Variants in USP12 observed in about 807,000 individuals in gnomAD.
The protein encoded by USP12 is ubiquitin specific peptidase 12, also known as ubiquitin carboxyl-terminal hydrolase 12.
USP12 carries 19 observed loss-of-function variants against 45.5 expected under a neutral mutation model. The ratio of observed to expected loss-of-function variants is 0.42; its 90% CI spans 0.29 to 0.61. The LOEUF (loss-of-function observed/expected upper bound fraction) is 0.61, where lower values mean the gene tolerates loss of function less well. Ranked by LOEUF, USP12 falls within the 20% of genes least tolerant of loss-of-function variation. The pLI is 0.22. For synonymous variants in USP12, 149 were observed against 148.8 expected, an observed-to-expected ratio of 1.00 and a Z score of -0.01; for missense variants, 242 against 447.7, an observed-to-expected ratio of 0.54 and a Z score of 4.15.
At chr13:27,115,426 G>A (rs149243845) in intron 2 of USP12, among the ~76,000 whole-genome samples, 3 of 152,188 alleles carry the variant, frequency 2.0e-5, no homozygotes, top group African/African-American at 7.2e-5. Flanking sequence ...CACTTCAACC[G>A]CTTTCCTCAA....
intron 1 of USP12, 25 bp from the exon 2 acceptor site, chr13:27,116,621 T>A: frequency 6.2e-7 from 1 of 1,603,592 alleles, no homozygotes; most frequent in East Asian, 2.2e-5. Flanking sequence ...ACAAAAATCT[T>A]AGTATTTATA....
At chr13:27,130,539 C>CAA (rs375759075) in intron 1 of USP12, among the ~76,000 whole-genome samples, 5 of 115,612 alleles carry the variant, frequency 4.3e-5, no homozygotes, top group Admixed American at 2.9e-4. Context: ...CACACACACA[C>CAA]AAAAAAAATC....
At chr13:27,121,879 C>T (rs943653670) in intron 1 of USP12, among the ~76,000 whole-genome samples, 2 of 151,780 alleles carry the variant, frequency 1.3e-5, no homozygotes, top group South Asian at 2.1e-4. Flanking sequence ...AAATTAAATA[C>T]CAGAATTAAC....
chr13:27,148,338 TTCTTC>T (rs1877402094), intron 1 of USP12, among the ~76,000 whole-genome samples: 1 of 150,842 alleles, frequency 6.6e-6, no homozygotes, highest in Non-Finnish European at 1.5e-5. Flanking sequence ...TATTTTTTCT[TTCTTC>T]TCTTAATTGA....
At position 27,066,198 on chromosome 13, in the gene USP12, T is replaced by C. The variant is rs950052527; in HGVS notation, c.*3085A>G. 1 of 152,218 alleles carries C rather than the reference T, an allele frequency of 6.6e-6. No individual in the cohort carries two copies. The highest frequency in any genetic ancestry group is 1.5e-5 in the Non-Finnish European group (1 of 68,034). The allele number at this position is 152,218 out of a possible 1,614,324, so 9.4% of individuals were successfully genotyped here. The stretch of plus-strand genomic sequence containing the variant: ...TAATAGATATTATTTTGTATTTATA[T>C]AGTGCCTTCTTCAAGAACCTTAAAT... On this transcript the variant is annotated 3_prime_UTR_variant, in exon 9 of 9. Coordinates refer to ENST00000282344, the MANE Select transcript of USP12 (RefSeq NM_182488.4).
chr13:27,164,586 AG>A (rs144098935), intron 1 of USP12, among the ~76,000 whole-genome samples: 11,986 of 152,294 alleles, frequency 0.079, 565 homozygotes, highest in Middle Eastern at 0.16. Context: ...AAGACTTACT[AG>A]TTTTTCTTCC....
chr13:27,090,917 G>A (rs1244182321), intron 4 of USP12, among the ~76,000 whole-genome samples: 1 of 152,186 alleles, frequency 6.6e-6, no homozygotes, highest in Non-Finnish European at 1.5e-5. Context: ...TACAAAGTAT[G>A]TATTTATGCA....
intron 4 of USP12, among the ~76,000 whole-genome samples, chr13:27,094,287 TGAG>T (rs1874460124): frequency 6.6e-6 from 1 of 151,846 alleles, no homozygotes; most frequent in African/African-American, 2.4e-5. Flanking sequence ...GTGGGTTACT[TGAG>T]GGCAGGAGTT....
At chr13:27,118,531 A>C (rs1875845229) in intron 1 of USP12, among the ~76,000 whole-genome samples, 2 of 152,000 alleles carry the variant, frequency 1.3e-5, no homozygotes, top group African/African-American at 2.4e-5. Context: ...AAGCCCTACT[A>C]CCCCTCACCC....
intron 3 of USP12, among the ~76,000 whole-genome samples, chr13:27,104,532 CT>C (rs1875035154): frequency 6.6e-6 from 1 of 152,108 alleles, no homozygotes; most frequent in African/African-American, 2.4e-5. Context: ...ATAAACAGAT[CT>C]ATAATCTAAT....
In USP12 at chr13:27,085,892, G is replaced by A. The variant is rs550686326; in HGVS notation, c.734+3991C>T. Among the ~76,000 whole-genome samples the A allele has an allele frequency of 1.9e-3, 289 of 152,088 alleles. 1 individual carries two copies. Among genetic ancestry groups the A allele is most frequent in the African/African-American group, 6.7e-3 (279 of 41,510 alleles). On this transcript the variant is annotated intron_variant, in intron 6 of 8. Transcript: ENST00000282344. ...AAAAAAAATATACTATGCAGCAGGCGTGGTATCTAGCTCCTGTAATTCCAG... is the reference window on the plus strand; with the variant it reads ...AAAAAAAATATACTATGCAGCAGGCATGGTATCTAGCTCCTGTAATTCCAG...
chr13:27,080,322 A>G (rs1873691734), intron 6 of USP12, among the ~76,000 whole-genome samples: 1 of 152,246 alleles, frequency 6.6e-6, no homozygotes, highest in Non-Finnish European at 1.5e-5. Flanking sequence ...TACACAAGTT[A>G]CCATTACTGG....
chr13:27,122,173 C>A (rs1269803674), intron 1 of USP12, among the ~76,000 whole-genome samples: 1 of 152,090 alleles, frequency 6.6e-6, no homozygotes, highest in Non-Finnish European at 1.5e-5. Flanking sequence ...GGCTCTGTGT[C>A]CCCACACAAA....
At chr13:27,163,778 A>G (rs9581816) in intron 1 of USP12, among the ~76,000 whole-genome samples, 10 of 44,552 alleles carry the variant, frequency 2.2e-4, no homozygotes, top group South Asian at 2.6e-3. Context: ...TAAAAAAAAA[A>G]AAAAAAAGAA....
intron 1 of USP12, chr13:27,170,193 T>A: frequency 2.5e-6 from 1 of 397,710 alleles, no homozygotes; most frequent in Non-Finnish European, 4.4e-6. Context: ...GAGTCTTCAA[T>A]GATTCATCCT....
intron 7 of USP12, among the ~76,000 whole-genome samples, chr13:27,073,296 G>C (rs1194655700): frequency 6.6e-6 from 1 of 152,224 alleles, no homozygotes; most frequent in African/African-American, 2.4e-5. Context: ...CCAGGGCTGT[G>C]AGGAAAGTCA....
At chr13:27,118,364 T>C (rs970664379) in intron 1 of USP12, among the ~76,000 whole-genome samples, 6 of 152,168 alleles carry the variant, frequency 3.9e-5, no homozygotes, top group Admixed American at 1.3e-4. Context: ...TTTTTTTGAC[T>C]TGGGAATCAA....
At chr13:27,071,610 C>G (rs919915632) in intron 7 of USP12, among the ~76,000 whole-genome samples, 2 of 152,062 alleles carry the variant, frequency 1.3e-5, no homozygotes, top group Non-Finnish European at 2.9e-5. Context: ...TTGAAACAGG[C>G]AAGGATATCA....
chr13:27,097,551 G>T (rs1170633291), intron 3 of USP12, among the ~76,000 whole-genome samples: 1 of 152,148 alleles, frequency 6.6e-6, no homozygotes, highest in Non-Finnish European at 1.5e-5. Flanking sequence ...GCTTTTTATG[G>T]GGGTAGGAGG....
Sources: gnomAD v4.1 joint callset for allele counts (sites outside exome capture counted in the v4.1 genomes callset) on GRCh38, gnomAD v4.1.1 for gene constraint, MANE v1.5 for transcripts, NCBI Gene and HGNC (gene_info 2026-07-23, HGNC 2026-07-21) for gene names.